NAALADL2: variants seen among roughly 807,000 people sequenced by gnomAD.
NAALADL2 encodes inactive N-acetylated-alpha-linked acidic dipeptidase-like protein 2.
A neutral mutation model predicts 87.2 loss-of-function variants in NAALADL2; 76 were observed. That is an observed-to-expected ratio of 0.87 (90% CI 0.72 to 1.05). The LOEUF (loss-of-function observed/expected upper bound fraction) is 1.05, where lower values mean the gene tolerates loss of function less well. Ranked by LOEUF, NAALADL2 falls within the 50% of genes least tolerant of loss-of-function variation. The pLI, the probability that NAALADL2 is intolerant of heterozygous loss-of-function variation, is 0.00. For synonymous variants in NAALADL2, 354 were observed against 331.0 expected, an observed-to-expected ratio of 1.07 and a Z score of -0.75; for missense variants, 1,089 against 945.8, an observed-to-expected ratio of 1.15 and a Z score of -1.99.
At position 174,723,973 on chromosome 3, in the gene NAALADL2, T is replaced by C. The variant is rs369628453; in HGVS notation, c.-114-13668T>C. ...ACGTCTTTGAGCAAATATATATGTG[T>C]TTGTTCATAAGTTTTTTTGAGTCTT... On this transcript the variant is annotated intron_variant, in intron 2 of 3. Transcript: ENST00000434257. 1.3e-5 allele frequency among the ~76,000 whole-genome samples: 2 copies of C among 152,032 alleles called. 1 individual carries two copies. The highest frequency in any genetic ancestry group is 4.8e-5 in the African/African-American group (2 of 41,382).
intron 3 of NAALADL2, among the ~76,000 whole-genome samples, chr3:174,741,902 A>G (rs2109011984): frequency 6.6e-6 from 1 of 151,862 alleles, no homozygotes; most frequent in East Asian, 1.9e-4. Flanking sequence ...ATCTGCAAAT[A>G]TGACATATGG....
At chr3:174,584,133 CCTGAGAAAGA>C (rs1716447479) in intron 2 of NAALADL2, among the ~76,000 whole-genome samples, 1 of 151,930 alleles carries the variant, frequency 6.6e-6, no homozygotes, top group Non-Finnish European at 1.5e-5. Context: ...ATAAGAGAAA[CCTGAGAAAGA>C]CTGAGAAAGA....
At chr3:175,181,715 G>GTGTGTATA (rs1736529023) in intron 2 of NAALADL2, among the ~76,000 whole-genome samples, 1 of 23,432 alleles carries the variant, frequency 4.3e-5, no homozygotes, top group Non-Finnish European at 1.1e-4. Flanking sequence ...GTGTGTGTGT[G>GTGTGTATA]TGTATATATA....
intron 1 of NAALADL2, among the ~76,000 whole-genome samples, chr3:174,934,538 G>C (rs1196497309): frequency 6.6e-6 from 1 of 151,798 alleles, no homozygotes; most frequent in Non-Finnish European, 1.5e-5. Context: ...TGTGCCGAGC[G>C]CGGTGGGTCA....
At chr3:174,995,018 G>C (rs944481195) in intron 1 of NAALADL2, among the ~76,000 whole-genome samples, 1 of 151,868 alleles carries the variant, frequency 6.6e-6, no homozygotes, top group Non-Finnish European at 1.5e-5. Context: ...GCCTATTAGT[G>C]CTTCAGGGTT....
chr3:174,777,140 C>A (rs1715309592), intron 3 of NAALADL2, among the ~76,000 whole-genome samples: 1 of 152,098 alleles, frequency 6.6e-6, no homozygotes, highest in Non-Finnish European at 1.5e-5. Context: ...ATTTTGGACA[C>A]CAGCCCAGAA....
At chr3:175,489,223 T>TA (rs561261040) in intron 9 of NAALADL2, among the ~76,000 whole-genome samples, 2 of 151,980 alleles carry the variant, frequency 1.3e-5, no homozygotes, top group East Asian at 1.9e-4. Flanking sequence ...ACTATTATAT[T>TA]AAAAAAAATT....
At chr3:175,177,957 A>G (rs564046116) in intron 2 of NAALADL2, among the ~76,000 whole-genome samples, 1 of 149,714 alleles carries the variant, frequency 6.7e-6, no homozygotes, top group South Asian at 2.1e-4. Flanking sequence ...TACATTGAAA[A>G]CTATATTGAA....
chr3:174,787,600 T>TATATATATATATATATACACAC (rs1716913863), intron 3 of NAALADL2, among the ~76,000 whole-genome samples: 5 of 68,460 alleles, frequency 7.3e-5, no homozygotes, highest in African/African-American at 1.3e-4. Flanking sequence ...TATATATATA[T>TATATATATATATATATACACAC]ATATATATAT....
chr3:175,548,500 T>G (rs1713772992), intron 9 of NAALADL2, among the ~76,000 whole-genome samples: 1 of 152,098 alleles, frequency 6.6e-6, no homozygotes, highest in African/African-American at 2.4e-5. Flanking sequence ...CAAACCACCA[T>G]GACACAAGTT....
At chr3:174,847,817 A>T (rs531876775) in intron 3 of NAALADL2, among the ~76,000 whole-genome samples, 252 of 146,910 alleles carry the variant, frequency 1.7e-3, no homozygotes, top group Middle Eastern at 0.011. Flanking sequence ...AAAAAAAAAA[A>T]GCACATCCAT....
chr3:175,607,640 G>A lies in NAALADL2; in HGVS notation c.1801-19651G>A, dbSNP rs970876114. Among the ~76,000 whole-genome samples the A allele has an allele frequency of 5.9e-5, 9 of 152,202 alleles. No individual in the cohort carries two copies. The South Asian group carries it at 1.7e-3, about 28-fold the overall frequency. On this transcript the variant is annotated intron_variant, in intron 10 of 13. Coordinates refer to ENST00000454872, the MANE Select transcript of NAALADL2 (RefSeq NM_207015.3). ...GTTAGAAAATCAGTTAACAACTACC[G>A]AGTAGTTCAAATTGGTTATAAACTG... is the stretch of plus-strand genomic sequence containing the variant.
chr3:174,808,738 T>G (rs1719796294), intron 3 of NAALADL2, among the ~76,000 whole-genome samples: 1 of 152,080 alleles, frequency 6.6e-6, no homozygotes, highest in Non-Finnish European at 1.5e-5. Flanking sequence ...AGAATTTGCT[T>G]TATATAAACC....
chr3:174,631,363 A>G (rs1722093907), intron 2 of NAALADL2, among the ~76,000 whole-genome samples: 1 of 152,180 alleles, frequency 6.6e-6, no homozygotes, highest in African/African-American at 2.4e-5. Context: ...GATCTGCTGG[A>G]TGATTATTGA....
rs1293415468 is a variant in NAALADL2 at position 174,976,245 on chromosome 3, T to C, written c.43+116795T>C. Among the ~76,000 whole-genome samples, 3 of 152,210 alleles carry C rather than the reference T, an allele frequency of 2.0e-5. No homozygotes were observed. The East Asian group carries it at 5.8e-4, about 29-fold the overall frequency. On this transcript the variant is annotated intron_variant, in intron 1 of 13. Transcript: ENST00000454872. ...GTTACATTTCCTTAAAACTATCTTA[T>C]AGATTTTAATCATAATTTAATCAGG...
At chr3:174,873,099 A>ATG (rs1171895848) in intron 1 of NAALADL2, among the ~76,000 whole-genome samples, 1 of 152,142 alleles carries the variant, frequency 6.6e-6, no homozygotes, top group Admixed American at 6.6e-5. Context: ...CATTTCGTGT[A>ATG]TGTAATTCCC....
At chr3:174,931,029 GAGAGGTAGTTCTTTCC>G (rs1316227145) in intron 1 of NAALADL2, among the ~76,000 whole-genome samples, 111 of 152,190 alleles carry the variant, frequency 7.3e-4, no homozygotes, top group African/African-American at 2.5e-3. Flanking sequence ...GGTTCTTGAT[GAGAGGTAGTTCTTTCC>G]TCACACTTTG....
intron 5 of NAALADL2, among the ~76,000 whole-genome samples, chr3:175,380,249 C>A (rs1049764407): frequency 6.6e-6 from 1 of 151,962 alleles, no homozygotes; most frequent in African/African-American, 2.4e-5. Flanking sequence ...ACATCCATGT[C>A]CCCTTTTCTT....
intron 2 of NAALADL2, among the ~76,000 whole-genome samples, chr3:175,117,007 G>A (rs1301145320): frequency 6.6e-6 from 1 of 152,056 alleles, no homozygotes; most frequent in Non-Finnish European, 1.5e-5. Context: ...AACAAGAAAT[G>A]GGGAAAGGAT....
Sources: allele counts gnomAD v4.1 joint callset (sites outside exome capture counted in the v4.1 genomes callset), GRCh38; gene constraint gnomAD v4.1.1; transcripts MANE v1.5; gene names NCBI Gene and HGNC (gene_info 2026-07-23, HGNC 2026-07-21).